TMEM63C: variants seen among roughly 807,000 people sequenced by gnomAD.
TMEM63C encodes the protein osmosensitive cation channel TMEM63C.
In TMEM63C, 32 loss-of-function variants were observed where a neutral mutation model predicts 99.2. That is an observed-to-expected ratio of 0.32 (90% CI 0.24 to 0.43). The LOEUF is 0.43. Ranked by LOEUF, TMEM63C falls within the 20% of genes least tolerant of loss-of-function variation. The pLI is 1.00. For missense variants in TMEM63C, 826 were observed against 1,053.0 expected, an observed-to-expected ratio of 0.78 and a Z score of 2.98; for synonymous variants, 376 against 397.9, an observed-to-expected ratio of 0.94 and a Z score of 0.66.
chr14:77,218,851 G>A lies in TMEM63C; in HGVS notation c.38G>A (p.Arg13Lys). 6.2e-7 allele frequency: 1 copy of A among 1,613,730 alleles called. No homozygotes were observed. Among genetic ancestry groups the A allele is most frequent in the Non-Finnish European group, 8.5e-7 (1 of 1,179,810 alleles). Reference sequence around the variant, plus strand: ...CCAGACGACCTGAGTACAGGGGGAAGGTTACAGAACATGACAGTGGATGAA... The same window carrying A: ...CCAGACGACCTGAGTACAGGGGGAAAGTTACAGAACATGACAGTGGATGAA... ...ASPDDLSTGG[R>K]LQNMTVDECF... The change falls in exon 3 of 24, where the codon AGG becomes AAG. Residue 13 changes from arginine to lysine, a missense_variant. Arg to Lys is a conservative substitution (Grantham distance 26). Transcript: ENST00000298351.
chr14:77,251,811 C>G lies in TMEM63C; in HGVS notation c.2061C>G (p.Ile687Met), dbSNP rs1002197912. The G allele has an allele frequency of 6.2e-7, 1 of 1,614,022 alleles. No individual in the cohort carries two copies. ...LRLGSLHAIT[I>M]FSLSTLLIAM... ...CAGGTTCTCTCCACGCCATCACCAT[C>G]TTTTCCCTGTCCACCCTCCTCATTG... Residue 687 changes from isoleucine to methionine, a missense_variant, in exon 22 of 24, where the codon ATC becomes ATG. By Grantham distance (10) the Ile-to-Met change is conservative. Transcript: ENST00000298351.
rs1889310562 is a variant in TMEM63C, at chr14:77,248,871, T to C, written c.1869T>C (p.Phe623=). ...TCACTTGCCCCATCATTGTGCCTTT[T>C]GGTGAGTCATCTCCAAGGCATGCCC... ...YSITCPIIVP[F]GLLYLCMKHL... is the part of the protein sequence containing the mutation. Residue 623 remains phenylalanine, a splice_region_variant and synonymous_variant, in exon 20 of 24, where the codon TTT becomes TTC. Coordinates refer to ENST00000298351, the MANE Select transcript of TMEM63C (RefSeq NM_020431.4). 5 of 1,613,476 alleles carry C rather than the reference T, an allele frequency of 3.1e-6. No individual in the cohort carries two copies. The highest frequency in any genetic ancestry group is 4.2e-6 in the Non-Finnish European group (5 of 1,179,400).
chr14:77,219,084 C>A, intron 3 of TMEM63C, 121 bp downstream of exon 3: 1 of 1,187,300 alleles, frequency 8.4e-7, no homozygotes, highest in Non-Finnish European at 1.1e-6. Context: ...ATACAAACTG[C>A]CTGAATGTCA....
Position 77,248,437 on chromosome 14 carries a change from G to A in TMEM63C, c.1692G>A (p.Leu564=). 3.1e-6 allele frequency: 5 copies of A among 1,587,372 alleles called. No individual in the cohort carries two copies. The highest frequency in any genetic ancestry group is 4.3e-6 in the Non-Finnish European group (5 of 1,167,236). ...LLGTGMELLR[L]GSLFCYSTRL... is the part of the protein sequence containing the mutation. ...GCACAGGCATGGAGCTGCTGCGTCT[G>A]GGGTCACTCTTCTGCTACAGCACCC... Residue 564 remains leucine, a synonymous_variant, in exon 19 of 24, where the codon CTG becomes CTA. Transcript: ENST00000298351.
At chr14:77,246,732 T>C in intron 18 of TMEM63C, 58 bp downstream of exon 18, 4 of 1,441,824 alleles carry the variant, frequency 2.8e-6, no homozygotes, top group Non-Finnish European at 3.9e-6. Context: ...AGTGGTTATA[T>C]GTGCTCTTCC....
At chr14:77,198,146 G>T (rs113396679) in intron 1 of TMEM63C, among the ~76,000 whole-genome samples, 3,159 of 152,352 alleles carry the variant, frequency 0.021, 116 homozygotes, top group African/African-American at 0.072. Flanking sequence ...GTACTCTGAT[G>T]AGTTCAGGCC....
intron 6 of TMEM63C, among the ~76,000 whole-genome samples, chr14:77,228,943 G>A (rs1176138524): frequency 6.6e-6 from 1 of 152,186 alleles, no homozygotes; most frequent in Non-Finnish European, 1.5e-5. Context: ...CCAGTGGAGT[G>A]GGGAGGCCTG....
At chr14:77,249,607 C>T in intron 21 of TMEM63C, 149 bp downstream of exon 21, 2 of 830,026 alleles carry the variant, frequency 2.4e-6, no homozygotes, top group Non-Finnish European at 3.7e-6. Context: ...TTCTCTGGGC[C>T]TAAAGGGCCT....
At chr14:77,230,433 T>G (rs1290124675) in intron 6 of TMEM63C, among the ~76,000 whole-genome samples, 2 of 152,180 alleles carry the variant, frequency 1.3e-5, no homozygotes, top group African/African-American at 2.4e-5. Flanking sequence ...AGCATTGTGT[T>G]TGTGAGGTTC....
At position 77,233,427 on chromosome 14, in the gene TMEM63C, G is replaced by C. The variant is rs1390010769; in HGVS notation, c.494-25G>C. The C allele has an allele frequency of 4.3e-6, 7 of 1,611,354 alleles. No individual in the cohort carries two copies. The African/African-American group carries it at 9.4e-5, about 22-fold the overall frequency. On this transcript the variant is annotated intron_variant, in intron 7 of 23. Coordinates refer to ENST00000298351, the MANE Select transcript of TMEM63C (RefSeq NM_020431.4). The stretch of plus-strand genomic sequence containing the variant: ...CCAGCAACTGAGGAGCCAGGCTCGA[G>C]GTCAGCAACTTCTTTCTCTTTCAGA...
chr14:77,208,799 A>G (rs1212146253), intron 1 of TMEM63C, among the ~76,000 whole-genome samples: 2 of 152,230 alleles, frequency 1.3e-5, no homozygotes, highest in African/African-American at 4.8e-5. Flanking sequence ...GGGCTGGGGC[A>G]GCAGCGAGAA....
intron 5 of TMEM63C, among the ~76,000 whole-genome samples, chr14:77,222,710 C>T (rs1594859296): frequency 6.6e-6 from 1 of 152,214 alleles, no homozygotes; most frequent in Admixed American, 6.5e-5. Context: ...CTCCCCCTTC[C>T]GCAGTGGCCC....
chr14:77,196,463 G>C (rs956008814), intron 1 of TMEM63C, among the ~76,000 whole-genome samples: 6 of 152,244 alleles, frequency 3.9e-5, no homozygotes, highest in African/African-American at 1.4e-4. Flanking sequence ...CTGCCCATGA[G>C]GCCTGGGAAG....
chr14:77,242,535 G>C, intron 14 of TMEM63C, 66 bp downstream of exon 14: 1 of 1,576,934 alleles, frequency 6.3e-7, no homozygotes. Context: ...CAGCAGGACA[G>C]GGCCTTCTCT....
chr14:77,206,597 C>T (rs1490152274), intron 1 of TMEM63C, among the ~76,000 whole-genome samples: 2 of 152,076 alleles, frequency 1.3e-5, no homozygotes, highest in East Asian at 3.8e-4. Context: ...TGCACAGGAA[C>T]CACTGGGCTG....
intron 1 of TMEM63C, among the ~76,000 whole-genome samples, chr14:77,196,542 G>A (rs1936754473): frequency 6.6e-6 from 1 of 152,216 alleles, no homozygotes; most frequent in Non-Finnish European, 1.5e-5. Context: ...GGGCTGAGCT[G>A]CTAGCTGGGC....
intron 6 of TMEM63C, among the ~76,000 whole-genome samples, chr14:77,228,622 C>T (rs1269432786): frequency 2.6e-5 from 4 of 151,622 alleles, no homozygotes; most frequent in Non-Finnish European, 4.4e-5. Flanking sequence ...CTGCAACCTC[C>T]GCCTCCCACG....
chr14:77,252,410 C>G (rs1889384620), intron 22 of TMEM63C, among the ~76,000 whole-genome samples: 1 of 152,180 alleles, frequency 6.6e-6, no homozygotes, highest in Non-Finnish European at 1.5e-5. Flanking sequence ...GTGGGCCCAG[C>G]CTAATCATTA....
Position 77,254,876 on chromosome 14 carries a change from C to CTGAT in TMEM63C, c.2220+1501_2220+1504dup, listed in dbSNP as rs1420248592. On this transcript the variant is annotated intron_variant, in intron 23 of 23. Transcript: ENST00000298351. The stretch of plus-strand genomic sequence containing the variant: ...TATTCCCACCACCCAGAGATGACCA[C>CTGAT]TGATAGTGTATTTTCTTGCAGATAT... Among the ~76,000 whole-genome samples, 5 of 152,218 alleles carry CTGAT rather than the reference C, an allele frequency of 3.3e-5. No individual in the cohort carries two copies. The South Asian group carries it at 1.0e-3, about 31-fold the overall frequency.
Sources: gnomAD v4.1 joint callset for allele counts (sites outside exome capture counted in the v4.1 genomes callset) on GRCh38, gnomAD v4.1.1 for gene constraint, MANE v1.5 for transcripts, NCBI Gene and HGNC (gene_info 2026-07-23, HGNC 2026-07-21) for gene names.